Variants in SLIT3 observed in about 807,000 individuals in gnomAD.
The protein encoded by SLIT3 is slit homolog 3 protein.
Under a neutral mutation model 184.0 loss-of-function variants are expected in SLIT3, and 68 were observed. The observed-to-expected ratio is 0.37, with a 90% CI of 0.30 to 0.45. SLIT3 has a LOEUF of 0.45. Among genes scored for constraint, SLIT3 ranks in the 20% least tolerant of loss-of-function variants. SLIT3 has a pLI of 1.00. For synonymous variants in SLIT3, 831 were observed against 828.6 expected (o/e 1.00, Z -0.05); for missense variants, 1,707 against 2,026.0 (o/e 0.84, Z 3.02).
intron 4 of SLIT3, among the ~76,000 whole-genome samples, chr5:168,911,430 G>A (rs1469585157): frequency 6.6e-6 from 1 of 152,180 alleles, no homozygotes; most frequent in Non-Finnish European, 1.5e-5. Flanking sequence ...TTGGCTCCCA[G>A]TGAATAAGCT....
At chr5:169,184,032 G>T (rs1476691998) in intron 4 of SLIT3, among the ~76,000 whole-genome samples, 1 of 152,222 alleles carries the variant, frequency 6.6e-6, no homozygotes, top group African/African-American at 2.4e-5. Context: ...GGGCTGAAGA[G>T]ACTAAAATGT....
chr5:168,695,544 C>T (rs575869026), intron 28 of SLIT3, among the ~76,000 whole-genome samples: 4 of 152,174 alleles, frequency 2.6e-5, no homozygotes, highest in African/African-American at 4.8e-5. Context: ...GTCTGGGATA[C>T]GCTACTTTGG....
intron 4 of SLIT3, among the ~76,000 whole-genome samples, chr5:169,039,224 G>A (rs115189894): frequency 6.6e-6 from 1 of 152,018 alleles, no homozygotes; most frequent in Non-Finnish European, 1.5e-5. Context: ...TTACCCTGAG[G>A]GGGTACAGGC....
At chr5:169,144,636 AG>A (rs763247625) in intron 4 of SLIT3, among the ~76,000 whole-genome samples, 2 of 152,218 alleles carry the variant, frequency 1.3e-5, no homozygotes, top group Non-Finnish European at 2.9e-5. Flanking sequence ...GTGAATCCTC[AG>A]GAAGGGTCTG....
chr5:169,264,082 A>G (rs959066499), intron 1 of SLIT3, among the ~76,000 whole-genome samples: 1 of 152,002 alleles, frequency 6.6e-6, no homozygotes, highest in Non-Finnish European at 1.5e-5. Context: ...CCACTGAAAA[A>G]AGGAGTCCAG....
Position 168,823,348 on chromosome 5 carries a change from G to C in SLIT3, c.558-17C>G. ...TTGAGGGTACTGTGGAGATAGACAAGGGAGATGGTCAGCCAGGCAGCAGCA... is the reference window on the plus strand; with the variant it reads ...TTGAGGGTACTGTGGAGATAGACAACGGAGATGGTCAGCCAGGCAGCAGCA... On this transcript the variant is annotated splice_polypyrimidine_tract_variant and intron_variant, in intron 6 of 35. Transcript: ENST00000519560. The C allele has an allele frequency of 6.2e-7, 1 of 1,600,914 alleles. No individual in the cohort carries two copies. The highest frequency in any genetic ancestry group is 2.2e-5 in the East Asian group (1 of 44,794).
At chr5:169,280,916 A>G (rs1766972881) in intron 1 of SLIT3, among the ~76,000 whole-genome samples, 1 of 152,182 alleles carries the variant, frequency 6.6e-6, no homozygotes, top group Non-Finnish European at 1.5e-5. Context: ...CCACAAATAC[A>G]ATAGCCAAGA....
intron 4 of SLIT3, among the ~76,000 whole-genome samples, chr5:168,899,617 A>C (rs1760798418): frequency 6.6e-6 from 1 of 152,218 alleles, no homozygotes; most frequent in Admixed American, 6.5e-5. Context: ...GAATGAATGA[A>C]GCTATAAGCA....
chr5:169,214,926 A>G (rs1046622711), intron 3 of SLIT3, among the ~76,000 whole-genome samples: 5 of 152,082 alleles, frequency 3.3e-5, no homozygotes, highest in Non-Finnish European at 1.5e-5. Context: ...TCCTAACTGT[A>G]TGGCCGTTCC....
intron 4 of SLIT3, among the ~76,000 whole-genome samples, chr5:169,141,967 G>A (rs989907272): frequency 1.4e-5 from 2 of 144,722 alleles, no homozygotes; most frequent in East Asian, 2.1e-4. Flanking sequence ...GGAGAATAGC[G>A]TGAACCTGGG....
chr5:168,906,868 T>A (rs1335565629), intron 4 of SLIT3, among the ~76,000 whole-genome samples: 1 of 152,160 alleles, frequency 6.6e-6, no homozygotes, highest in Non-Finnish European at 1.5e-5. Context: ...ATTTAATTAA[T>A]TTATTTATTT....
intron 17 of SLIT3, 87 bp from the exon 18 acceptor site, chr5:168,753,185 G>T: frequency 7.0e-7 from 1 of 1,418,696 alleles, no homozygotes; most frequent in Non-Finnish European, 9.7e-7. Flanking sequence ...TGTGTGTATA[G>T]GTGAGATGCT....
chr5:169,077,014 C>G (rs149148294), intron 4 of SLIT3, among the ~76,000 whole-genome samples: 1 of 152,206 alleles, frequency 6.6e-6, no homozygotes, highest in Non-Finnish European at 1.5e-5. Flanking sequence ...TTGAACAACA[C>G]AGGTTTGAAC....
At chr5:168,759,973 C>T (rs1240638546) in intron 16 of SLIT3, among the ~76,000 whole-genome samples, 1 of 152,138 alleles carries the variant, frequency 6.6e-6, no homozygotes, top group Non-Finnish European at 1.5e-5. Flanking sequence ...GCTGGGGGAC[C>T]CCGCACGGAA....
chr5:168,900,952 C>T (rs932384732), intron 4 of SLIT3, among the ~76,000 whole-genome samples: 1 of 152,090 alleles, frequency 6.6e-6, no homozygotes, highest in Non-Finnish European at 1.5e-5. Flanking sequence ...GCCTCAGAAG[C>T]GTGAGGGGTA....
intron 20 of SLIT3, among the ~76,000 whole-genome samples, chr5:168,746,716 G>GT: frequency 2.6e-5 from 2 of 77,188 alleles, no homozygotes. Context: ...TGTGTGGTGT[G>GT]GGTGTGGCGG....
chr5:169,100,795 G>A (rs1759980176), intron 4 of SLIT3, among the ~76,000 whole-genome samples: 1 of 152,152 alleles, frequency 6.6e-6, no homozygotes, highest in Admixed American at 6.5e-5. Context: ...AAGGAACCAG[G>A]GATACCTCAG....
At chr5:168,894,610 G>A (rs558795411) in intron 4 of SLIT3, among the ~76,000 whole-genome samples, 5 of 152,338 alleles carry the variant, frequency 3.3e-5, no homozygotes, top group Non-Finnish European at 7.3e-5. Flanking sequence ...CTTTGATGGG[G>A]AAAGGTTTAG....
chr5:169,111,875 G>A (rs765689048), intron 4 of SLIT3, among the ~76,000 whole-genome samples: 37 of 152,344 alleles, frequency 2.4e-4, no homozygotes, highest in South Asian at 6.2e-4. Context: ...ATGAAAAGGA[G>A]AGGATACTGT....
Sources: gnomAD v4.1 joint callset for allele counts (sites outside exome capture counted in the v4.1 genomes callset) on GRCh38, gnomAD v4.1.1 for gene constraint, MANE v1.5 for transcripts, NCBI Gene and HGNC (gene_info 2026-07-23, HGNC 2026-07-21) for gene names.